The following GALNS variants were observed in gnomAD, a reference collection of about 807,000 sequenced individuals.
GALNS encodes N-acetylgalactosamine-6-sulfatase.
Under a neutral mutation model 65.9 loss-of-function variants are expected in GALNS, and 65 were observed. That is an observed-to-expected ratio of 0.99 (90% CI 0.81 to 1.21). The LOEUF (loss-of-function observed/expected upper bound fraction) is 1.21, where lower values mean the gene tolerates loss of function less well. Among genes scored for constraint, GALNS ranks in the 50% most tolerant of loss-of-function variants. The pLI, the probability that GALNS is intolerant of heterozygous loss-of-function variation, is 0.00. For synonymous variants in GALNS, 346 were observed against 288.9 expected (o/e 1.20, Z -2.00); for missense variants, 776 against 700.7 (o/e 1.11, Z -1.21).
intron 12 of GALNS, 96 bp from the exon 13 acceptor site, chr16:88,818,220 G>A (rs759494202): frequency 5.2e-5 from 51 of 975,124 alleles, no homozygotes; most frequent in Non-Finnish European, 7.1e-5. Flanking sequence ...GCTCTAACGG[G>A]CTGAGAACCA....
At chr16:88,843,604 G>A (rs993540289) in intron 1 of GALNS, 5 of 189,542 alleles carry the variant, frequency 2.6e-5, no homozygotes, top group East Asian at 2.6e-4. Context: ...TAGAGATGCC[G>A]GGTGAAGGCC....
chr16:88,839,837 C>T (rs563600971), intron 4 of GALNS, among the ~76,000 whole-genome samples: 11 of 152,342 alleles, frequency 7.2e-5, no homozygotes, highest in South Asian at 2.1e-4. Context: ...CTCTGGCCAC[C>T]GGCACCAATG....
intron 11 of GALNS, among the ~76,000 whole-genome samples, chr16:88,823,221 C>T (rs1409470696): frequency 6.6e-6 from 1 of 152,158 alleles, no homozygotes; most frequent in African/African-American, 2.4e-5. Flanking sequence ...GCTCAGAATC[C>T]CTACAGAAAC....
chr16:88,822,609 T>C lies in GALNS; in HGVS notation c.1344A>G (p.Pro448=). ...CTCACCTGAGGGGGAACCTCTCCCC[T>C]GGGTCCCGTCCCAGGTGGAAGATCA... ...LPLIFHLGRD[P]GERFPLSFAS... is the part of the protein sequence containing the mutation. The change falls in exon 12 of 14, where the codon CCA becomes CCG. Residue 448 remains proline (P), a synonymous_variant. Coordinates refer to ENST00000268695, the MANE Select transcript of GALNS (RefSeq NM_000512.5). 2.5e-6 allele frequency: 4 copies of C among 1,612,752 alleles called. No individual in the cohort carries two copies. The highest frequency in any genetic ancestry group is 3.4e-6 in the Non-Finnish European group (4 of 1,179,772).
rs150111302 is a variant in GALNS at position 88,826,741 on chromosome 16, T to C, written c.1100A>G (p.Asn367Ser). 1.4e-5 allele frequency: 23 copies of C among 1,612,032 alleles called. No individual in the cohort carries two copies. The highest frequency in any genetic ancestry group is 2.7e-5 in the African/African-American group (2 of 74,806). ...GCCCTGCAGGAGGGTGGGGAGGAGG[T>C]TGAGGCCATCAATGGCCCTGTCGCT... ...PPSDRAIDGL[N>S]LLPTLLQGRL... is the part of the protein sequence containing the mutation. Residue 367 changes from asparagine to serine, a missense_variant, in exon 10 of 14, where the codon AAC (asparagine) becomes AGC (serine). Asn to Ser is a conservative substitution (Grantham distance 46, BLOSUM62 1). Coordinates refer to ENST00000268695, the MANE Select transcript of GALNS (RefSeq NM_000512.5).
chr16:88,817,393 C>G, intron 13 of GALNS: 1 of 985,420 alleles, frequency 1.0e-6, no homozygotes, highest in Non-Finnish European at 1.2e-6. Flanking sequence ...TCAGGCTGCA[C>G]GGAGGTGCTG....
chr16:88,841,470 G>A (rs534300360), intron 3 of GALNS, among the ~76,000 whole-genome samples: 84 of 150,860 alleles, frequency 5.6e-4, no homozygotes, highest in African/African-American at 1.9e-3. Flanking sequence ...TGCCTCCCCC[G>A]TCCTTCCCTT....
intron 10 of GALNS, among the ~76,000 whole-genome samples, chr16:88,825,253 A>AGCTG (rs1910729501): frequency 4.0e-5 from 2 of 50,094 alleles, no homozygotes; most frequent in South Asian, 7.1e-4. Context: ...CTGGGTGGCC[A>AGCTG]GGGCTGGGGT....
rs1056568758 is a variant in GALNS at position 88,842,789 on chromosome 16, C to G, written c.161G>C (p.Arg54Thr). 1 of 1,613,438 alleles carries G rather than the reference C, an allele frequency of 6.2e-7. No homozygotes were observed. The highest frequency in any genetic ancestry group is 8.5e-7 in the Non-Finnish European group (1 of 1,179,928). The change falls in exon 2 of 14, where the codon AGA becomes ACA. Residue 54 changes from arginine to threonine, a missense_variant. By Grantham distance (71) the Arg-to-Thr change is moderately conservative (BLOSUM62 -1). Transcript: ENST00000268695. The part of the protein sequence containing the change: ...GDLGVYGEPS[R>T]ETPNLDRMAA... ...CATCCGGTCCAAATTCGGGGTCTCT[C>G]TGGAGGGCTCTCCATACACCCCGAG... is the stretch of plus-strand genomic sequence containing the variant.
intron 10 of GALNS, among the ~76,000 whole-genome samples, chr16:88,825,125 G>GCCT (rs1473217808): frequency 1.0e-3 from 140 of 136,200 alleles, no homozygotes; most frequent in Admixed American, 2.5e-3. Flanking sequence ...GTCTGGGGCT[G>GCCT]GGGTGTCTGG....
rs764366009 is a variant in GALNS, at chr16:88,841,980, A to C, written c.245-9T>G. The stretch of plus-strand genomic sequence containing the variant: ...GAGCAGTGCCGCCCTCGCTATGTGG[A>C]GGTGACAGAAACAGAAACTGGATAA... On this transcript the variant is annotated splice_polypyrimidine_tract_variant and intron_variant, in intron 2 of 13. Transcript: ENST00000268695. The C allele has an allele frequency of 2.5e-6, 4 of 1,609,218 alleles. No homozygotes were observed. In the South Asian group the frequency reaches 3.3e-5, roughly 13 times the overall value.
At chr16:88,825,364 G>A (rs1321716528) in intron 10 of GALNS, among the ~76,000 whole-genome samples, 4 of 142,988 alleles carry the variant, frequency 2.8e-5, no homozygotes, top group Non-Finnish European at 4.5e-5. Context: ...CTGGGCAACC[G>A]GGGCTGGGGT....
intron 8 of GALNS, among the ~76,000 whole-genome samples, chr16:88,832,415 C>T (rs1383765999): frequency 1.3e-5 from 2 of 152,184 alleles, no homozygotes; most frequent in African/African-American, 4.8e-5. Context: ...GCGCAGCTGC[C>T]GACTGGTGCT....
chr16:88,842,001 G>C (rs1171735602), intron 2 of GALNS, 30 bp from the exon 3 acceptor site: 1 of 1,593,412 alleles, frequency 6.3e-7, no homozygotes, highest in Non-Finnish European at 8.6e-7. Flanking sequence ...ACAGAAACTG[G>C]ATAAGAAGGG....
intron 13 of GALNS, chr16:88,815,260 C>A: frequency 2.0e-6 from 2 of 985,470 alleles, no homozygotes; most frequent in Non-Finnish European, 2.4e-6. Context: ...ATGCAGCTGC[C>A]AAGTGGCTGA....
chr16:88,827,341 G>A (rs994903132), intron 9 of GALNS, among the ~76,000 whole-genome samples: 1 of 152,214 alleles, frequency 6.6e-6, no homozygotes, highest in African/African-American at 2.4e-5. Flanking sequence ...GCAGGAGGCT[G>A]TCTTTCCCGC....
At chr16:88,840,726 C>T (rs1053166834) in intron 4 of GALNS, 8 of 506,456 alleles carry the variant, frequency 1.6e-5, no homozygotes, top group South Asian at 8.0e-5. Flanking sequence ...GGCTGTGACT[C>T]GAGGGATGAC....
At chr16:88,840,899 C>T (rs1158867018) in intron 4 of GALNS, 93 bp downstream of exon 4, 2 of 983,708 alleles carry the variant, frequency 2.0e-6, no homozygotes, top group African/African-American at 1.6e-5. Context: ...AAGACACCCT[C>T]CTCATTTGGA....
intron 1 of GALNS, among the ~76,000 whole-genome samples, chr16:88,849,591 T>C (rs536371980): frequency 6.6e-6 from 1 of 152,190 alleles, no homozygotes; most frequent in Admixed American, 6.5e-5. Flanking sequence ...AGGCCAACTT[T>C]TTTGTATTTT....
Sources: gnomAD v4.1 joint callset for allele counts (sites outside exome capture counted in the v4.1 genomes callset) on GRCh38, gnomAD v4.1.1 for gene constraint, MANE v1.5 for transcripts, NCBI Gene and HGNC (gene_info 2026-07-23, HGNC 2026-07-21) for gene names.